The following CDK10 variants were observed in gnomAD, a reference collection of about 807,000 sequenced individuals.
CDK10 encodes the protein cyclin dependent kinase 10, also known as cyclin-dependent kinase 10.
Under a neutral mutation model 51.0 loss-of-function variants are expected in CDK10, and 55 were observed. The ratio of observed to expected loss-of-function variants is 1.08; its 90% confidence interval spans 0.87 to 1.35. The LOEUF is 1.35. Among genes scored for constraint, CDK10 ranks in the 40% most tolerant of loss-of-function variants. The pLI, the probability that CDK10 is intolerant of heterozygous loss-of-function variation, is 0.00. For synonymous variants in CDK10, 255 were observed against 199.1 expected, an observed-to-expected ratio of 1.28 and a Z score of -2.36; for missense variants, 589 against 485.1, an observed-to-expected ratio of 1.21 and a Z score of -2.01.
At chr16:89,695,182 C>CA (rs2060657232) in intron 11 of CDK10, 111 bp from the exon 12 acceptor site, 2 of 1,535,638 alleles carry the variant, frequency 1.3e-6, no homozygotes, top group East Asian at 4.5e-5. Context: ...CACAGCCGCT[C>CA]GGAGTGGCCA....
At position 89,689,293 on chromosome 16, in the gene CDK10, C is replaced by T; in HGVS notation, c.129C>T (p.Asn43=). ...CRSVKEFEKL[N]RIGEGTYGIV... ...GTGTGAAGGAGTTTGAGAAGCTGAA[C>T]CGCATTGGAGAGGGTACCTACGGCA... Residue 43 remains asparagine (N), a synonymous_variant, in exon 2 of 13, where the codon AAC becomes AAT. Transcript: ENST00000353379. 1 of 1,614,064 alleles carries T rather than the reference C, an allele frequency of 6.2e-7. No homozygotes were observed. The highest frequency in any genetic ancestry group is 1.1e-5 in the South Asian group (1 of 91,082).
chr16:89,692,084 C>T (rs535568851), intron 5 of CDK10, 197 bp downstream of exon 5: 13 of 607,536 alleles, frequency 2.1e-5, no homozygotes, highest in Non-Finnish European at 2.9e-5. Context: ...GCCCCAGGGC[C>T]GAGAGCCTTA....
intron 1 of CDK10, chr16:89,687,440 C>G (rs912760768): frequency 6.6e-6 from 3 of 455,548 alleles, no homozygotes; most frequent in Admixed American, 4.7e-5. Flanking sequence ...CAGTAAGAAT[C>G]ATTAACAGAT....
At chr16:89,693,355 C>A (rs2060542858) in intron 7 of CDK10, 29 bp downstream of exon 7, 1 of 1,614,032 alleles carries the variant, frequency 6.2e-7, no homozygotes. Flanking sequence ...AGGCCCTGTC[C>A]CTAGATGGCA....
In CDK10 at chr16:89,695,719, C is replaced by G; in HGVS notation, c.*27C>G. On this transcript the variant is annotated 3_prime_UTR_variant, in exon 13 of 13. Transcript: ENST00000353379. Reference sequence around the variant, plus strand: ...GGTGGGCCTGGCACACGCCTGTATTCCCACACCAGGTCTTCCGATCAGTGG... The same window carrying G: ...GGTGGGCCTGGCACACGCCTGTATTGCCACACCAGGTCTTCCGATCAGTGG... The G allele has an allele frequency of 6.3e-7, 1 of 1,591,290 alleles. No individual in the cohort carries two copies. The highest frequency in any genetic ancestry group is 8.5e-7 in the Non-Finnish European group (1 of 1,171,460).
chr16:89,690,508 G>A (rs773794009), intron 2 of CDK10, 45 bp from the exon 3 acceptor site: 13 of 1,562,942 alleles, frequency 8.3e-6, no homozygotes, highest in Admixed American at 5.0e-5. Flanking sequence ...GGGAGCCCAC[G>A]AGGGGCATCG....
Position 89,691,803 on chromosome 16 carries a change from C to T in CDK10, c.336-3C>T, listed in dbSNP as rs1471390765. ...AGTGGCATGCATCTTCTGTTTCTTC[C>T]AGCATCTTCCTGGTGATGGGTTACT... On this transcript the variant is annotated splice_region_variant and splice_polypyrimidine_tract_variant and intron_variant, in intron 4 of 12. Coordinates refer to ENST00000353379, the MANE Select transcript of CDK10 (RefSeq NM_052988.5). 1 of 1,613,812 alleles carries T rather than the reference C, an allele frequency of 6.2e-7. No homozygotes were observed. The highest frequency in any genetic ancestry group is 2.2e-5 in the East Asian group (1 of 44,876).
At chr16:89,688,766 C>A (rs1350513643) in intron 1 of CDK10, among the ~76,000 whole-genome samples, 1 of 152,152 alleles carries the variant, frequency 6.6e-6, no homozygotes, top group African/African-American at 2.4e-5. Flanking sequence ...ATATTTCTTT[C>A]AAAGCATTGG....
intron 1 of CDK10, 166 bp downstream of exon 1, chr16:89,686,963 C>T (rs1189112419): frequency 1.7e-6 from 1 of 578,596 alleles, no homozygotes; most frequent in African/African-American, 2.0e-5. Flanking sequence ...GCGGGGCGGG[C>T]TCAGGACCCC....
chr16:89,693,967 T>A lies in CDK10; in HGVS notation c.609-206T>A. 3 of 617,414 alleles carry A rather than the reference T, an allele frequency of 4.9e-6. No homozygotes were observed. The South Asian group carries it at 5.7e-5, about 12-fold the overall frequency. The allele number at this position is 617,414 out of a possible 1,614,324, so 38.2% of individuals were successfully genotyped here. A position where few individuals can be genotyped will look rare whatever the true frequency, so the allele number is the denominator to read the frequency against. Reference sequence around the variant, plus strand: ...CGAGGGTCCGTGGTCCCTGCGACTCTCAGGACACCGCTGCACGTGACAGCT... The same window carrying A: ...CGAGGGTCCGTGGTCCCTGCGACTCACAGGACACCGCTGCACGTGACAGCT... On this transcript the variant is annotated intron_variant, in intron 8 of 12. Transcript: ENST00000353379.
chr16:89,694,131 G>C, intron 8 of CDK10, 42 bp from the exon 9 acceptor site: 1 of 1,602,962 alleles, frequency 6.2e-7, no homozygotes, highest in African/African-American at 1.3e-5. Context: ...TGGGCTGGGG[G>C]AGAGGAGCCG....
chr16:89,687,589 G>T (rs1456801690), intron 1 of CDK10: 1 of 446,588 alleles, frequency 2.2e-6, no homozygotes. Flanking sequence ...TTTGAGACAG[G>T]GTCTAGCGCT....
At chr16:89,691,067 C>G (rs1318390210) in intron 3 of CDK10, among the ~76,000 whole-genome samples, 1 of 152,220 alleles carries the variant, frequency 6.6e-6, no homozygotes, top group Non-Finnish European at 1.5e-5. Flanking sequence ...AGGCGGATCA[C>G]CTGAGGTCGG....
At chr16:89,693,780 C>G in intron 8 of CDK10, 1 of 548,638 alleles carries the variant, frequency 1.8e-6, no homozygotes, top group South Asian at 2.1e-5. Flanking sequence ...GGACAGGCAG[C>G]TTGCATGCTT....
Position 89,694,234 on chromosome 16 carries a change from T to C in CDK10, c.668+2T>C, listed in dbSNP as rs767001559. ...GCAGACCACCAGCATCGACATGTGGTGAGGAGATACGGTTACCGCTCCTGG... is the reference window on the plus strand; with the variant it reads ...GCAGACCACCAGCATCGACATGTGGCGAGGAGATACGGTTACCGCTCCTGG... On this transcript the variant is annotated splice_donor_variant, in intron 9 of 12. Transcript: ENST00000353379. LOFTEE classifies it high-confidence loss of function. 4 of 1,613,502 alleles carry C rather than the reference T, an allele frequency of 2.5e-6. No individual in the cohort carries two copies. The highest frequency in any genetic ancestry group is 1.7e-6 in the Non-Finnish European group (2 of 1,179,720).
intron 1 of CDK10, chr16:89,687,651 C>T: frequency 2.3e-6 from 1 of 442,170 alleles, no homozygotes; most frequent in South Asian, 1.6e-5. Flanking sequence ...GCATCGTCAG[C>T]CTCCTGGGCT....
intron 2 of CDK10, 135 bp from the exon 3 acceptor site, chr16:89,690,418 T>G: frequency 1.4e-6 from 1 of 734,176 alleles, no homozygotes; most frequent in Non-Finnish European, 2.5e-6. Flanking sequence ...GAGTGGGGAC[T>G]GAGTGTCACT....
At chr16:89,695,267 G>A (rs549090141) in intron 11 of CDK10, 26 bp from the exon 12 acceptor site, 84 of 1,598,432 alleles carry the variant, frequency 5.3e-5, no homozygotes, top group East Asian at 4.7e-4. Flanking sequence ...CTCACAAGTC[G>A]CACTAACGCA....
rs1004709145 is a variant in CDK10 at position 89,695,478 on chromosome 16, A to T, written c.986-117A>T. ...CTTTCTGGGGTAAGAGGACAGGGGC[A>T]TGTGGAGGCACAGACAGCCCAGGGC... On this transcript the variant is annotated intron_variant, in intron 12 of 12. Coordinates refer to ENST00000353379, the MANE Select transcript of CDK10 (RefSeq NM_052988.5). The T allele has an allele frequency of 1.2e-5, 17 of 1,455,300 alleles. No individual in the cohort carries two copies. The East Asian group carries it at 3.5e-4, about 30-fold the overall frequency. 90.1% of individuals were successfully genotyped at this position (1,455,300 alleles called of 1,614,324 possible). A position where few individuals can be genotyped will look rare whatever the true frequency, so the allele number is the denominator to read the frequency against.
Sources: allele counts gnomAD v4.1 joint callset (sites outside exome capture counted in the v4.1 genomes callset), GRCh38; gene constraint gnomAD v4.1.1; transcripts MANE v1.5; gene names NCBI Gene and HGNC (gene_info 2026-07-23, HGNC 2026-07-21).